ADAMTS2: variants seen among roughly 807,000 people sequenced by gnomAD.
ADAMTS2 encodes the protein A disintegrin and metalloproteinase with thrombospondin motifs 2.
ADAMTS2 carries 50 observed loss-of-function variants against 123.0 expected under a neutral mutation model. The ratio of observed to expected loss-of-function variants is 0.41; its 90% CI spans 0.32 to 0.51. The LOEUF (loss-of-function observed/expected upper bound fraction) is 0.51. Among genes scored for constraint, ADAMTS2 ranks in the 20% least tolerant of loss-of-function variants. The pLI is 0.35. For missense variants in ADAMTS2, 1,494 were observed against 1,705.2 expected, an observed-to-expected ratio of 0.88 and a Z score of 2.18; for synonymous variants, 678 against 695.4, an observed-to-expected ratio of 0.98 and a Z score of 0.39.
At chr5:179,153,450 C>G (rs1284252850) in intron 9 of ADAMTS2, 41 bp downstream of exon 9, 4 of 1,601,892 alleles carry the variant, frequency 2.5e-6, no homozygotes, top group Non-Finnish European at 3.4e-6. Context: ...ACGCCTCCCC[C>G]CAGACCTGGG....
chr5:179,138,001 G>A (rs1372056255), intron 11 of ADAMTS2, 57 bp from the exon 12 acceptor site: 9 of 1,528,942 alleles, frequency 5.9e-6, no homozygotes, highest in South Asian at 4.8e-5. Flanking sequence ...GGCAGCACCC[G>A]GGTGCCCTTG....
intron 3 of ADAMTS2, among the ~76,000 whole-genome samples, chr5:179,224,145 T>C (rs996081627): frequency 6.6e-6 from 1 of 152,130 alleles, no homozygotes; most frequent in Non-Finnish European, 1.5e-5. Context: ...TGGCCGTCAT[T>C]TACAGGGAGA....
At chr5:179,167,121 C>T (rs758083257) in intron 5 of ADAMTS2, among the ~76,000 whole-genome samples, 4 of 152,282 alleles carry the variant, frequency 2.6e-5, no homozygotes, top group Middle Eastern at 3.4e-3. Context: ...AGGCTTGGCA[C>T]ACGACACCTC....
chr5:179,141,230 C>CTA (rs1280789742), intron 10 of ADAMTS2, among the ~76,000 whole-genome samples: 3 of 152,170 alleles, frequency 2.0e-5, no homozygotes, highest in African/African-American at 7.2e-5. Context: ...GCAAACCATT[C>CTA]CTCAGCAAAT....
At chr5:179,176,053 C>T (rs114451705) in intron 5 of ADAMTS2, among the ~76,000 whole-genome samples, 3 of 152,318 alleles carry the variant, frequency 2.0e-5, no homozygotes, top group South Asian at 2.1e-4. Context: ...ATTTTCCAGA[C>T]TTCTTTGACC....
chr5:179,207,671 C>A lies in ADAMTS2; in HGVS notation c.733G>T (p.Val245Phe). The stretch of plus-strand genomic sequence containing the variant: ...GAGCTGTTGGCGTGCTCCTCTAGGA[C>A]GCCCAGGGCGCGGCTGAGGCTGTCC... ...SLDSLSRALG[V>F]LEEHANSSRR... is the part of the protein sequence containing the mutation. The change falls in exon 4 of 22, where the codon GTC becomes TTC. Residue 245 changes from valine to phenylalanine, a missense_variant. This residue lies in a region of ADAMTS2 where 184 missense variants were observed against 152.1 expected (regional missense o/e 1.21). Transcript: ENST00000251582. 6.2e-7 allele frequency: 1 copy of A among 1,613,160 alleles called. No individual in the cohort carries two copies. Among genetic ancestry groups the A allele is most frequent in the African/African-American group, 1.3e-5 (1 of 74,950 alleles).
At chr5:179,289,948 C>T (rs550931012) in intron 2 of ADAMTS2, among the ~76,000 whole-genome samples, 5 of 152,288 alleles carry the variant, frequency 3.3e-5, no homozygotes, top group Admixed American at 2.6e-4. Flanking sequence ...TGGGAGGAAA[C>T]GGGAGAGACA....
intron 5 of ADAMTS2, among the ~76,000 whole-genome samples, chr5:179,161,982 G>C (rs1477727353): frequency 6.6e-6 from 1 of 152,138 alleles, no homozygotes. Flanking sequence ...CCCTGCTGCA[G>C]TGTGAGTGTC....
At position 179,225,485 on chromosome 5, in the gene ADAMTS2, G is replaced by A. The variant is rs188913281; in HGVS notation, c.689-17770C>T. 4.6e-5 allele frequency among the ~76,000 whole-genome samples: 7 copies of A among 152,210 alleles called. No homozygotes were observed. Among genetic ancestry groups the A allele is most frequent in the Non-Finnish European group, 7.4e-5 (5 of 68,022 alleles). ...TGTCACATTTCCCAAGACCACCCTGGTCCACCATGTCCCCATCCTGTGCCT... is the reference window on the plus strand; with the variant it reads ...TGTCACATTTCCCAAGACCACCCTGATCCACCATGTCCCCATCCTGTGCCT... On this transcript the variant is annotated intron_variant, in intron 3 of 21. Coordinates refer to ENST00000251582, the MANE Select transcript of ADAMTS2 (RefSeq NM_014244.5). The surrounding 1 kb of genome is among the most constrained non-coding windows in gnomAD (Gnocchi z 4.5).
At chr5:179,334,071 TC>T (rs1757547359) in intron 2 of ADAMTS2, among the ~76,000 whole-genome samples, 2 of 152,022 alleles carry the variant, frequency 1.3e-5, no homozygotes, top group Non-Finnish European at 2.9e-5. Flanking sequence ...GAGGGATTGC[TC>T]CAGAGAAACT....
At chr5:179,154,434 G>C (rs537464808) in intron 7 of ADAMTS2, among the ~76,000 whole-genome samples, 56 of 152,248 alleles carry the variant, frequency 3.7e-4, no homozygotes, top group East Asian at 7.7e-4. Context: ...ATGCACACCT[G>C]GGGGGGACCG....
At chr5:179,149,113 G>C (rs1320833615) in intron 10 of ADAMTS2, among the ~76,000 whole-genome samples, 1 of 152,180 alleles carries the variant, frequency 6.6e-6, no homozygotes, top group African/African-American at 2.4e-5. Flanking sequence ...AGGTAAGGCA[G>C]TGCTGTGGCC....
rs1380152826 is a variant in ADAMTS2, at chr5:179,118,810, G to A, written c.3178+2851C>T. Among the ~76,000 whole-genome samples the A allele has an allele frequency of 6.6e-6, 1 of 152,210 alleles. No individual in the cohort carries two copies. Among genetic ancestry groups the A allele is most frequent in the Non-Finnish European group, 1.5e-5 (1 of 68,042 alleles). On this transcript the variant is annotated intron_variant, in intron 21 of 21. Coordinates refer to ENST00000251582, the MANE Select transcript of ADAMTS2 (RefSeq NM_014244.5). This position sits in a 1 kb window ranked among gnomAD's most constrained non-coding sequence, Gnocchi z 4.5. ...GCAAATGTGAGACAGGCTAAAGCTG[G>A]TAGCAAGTGAGGCTTTCTTCCTGAG...
intron 2 of ADAMTS2, among the ~76,000 whole-genome samples, chr5:179,330,106 C>G (rs980057317): frequency 9.8e-5 from 14 of 142,340 alleles, no homozygotes; most frequent in Admixed American, 3.7e-4. Flanking sequence ...GCAGTCCGGC[C>G]TGGGCGACAG....
At chr5:179,281,094 G>T (rs560284280) in intron 2 of ADAMTS2, among the ~76,000 whole-genome samples, 1 of 152,310 alleles carries the variant, frequency 6.6e-6, no homozygotes, top group East Asian at 1.9e-4. Flanking sequence ...CTGACCTCAG[G>T]TGATCCACCT....
At chr5:179,177,475 G>A (rs958106334) in intron 5 of ADAMTS2, among the ~76,000 whole-genome samples, 9 of 152,184 alleles carry the variant, frequency 5.9e-5, no homozygotes, top group Non-Finnish European at 2.9e-5. Flanking sequence ...TATTGTATTA[G>A]TCTTGCCTGA....
rs770212030 is a variant in ADAMTS2, at chr5:179,345,227, G to GGGC, written c.99_101dup (p.Pro34dup). ...CGGCGGCGGCGAGCCTGGCGTTCGC[G>GGGC]GGCGGCGGCGGCGGCGGCAGGAGCG... On this transcript the variant is annotated inframe_insertion, in exon 1 of 22. Transcript: ENST00000251582. This position sits in a 1 kb window ranked among gnomAD's most constrained non-coding sequence, Gnocchi z 7.5. The GGGC allele has an allele frequency of 5.2e-4, 577 of 1,119,552 alleles. No individual in the cohort carries two copies. Among genetic ancestry groups the GGGC allele is most frequent in the Non-Finnish European group, 5.6e-4 (518 of 918,740 alleles). The allele number at this position is 1,119,552 out of a possible 1,614,324, so 69.4% of individuals were successfully genotyped here.
chr5:179,162,040 G>A lies in ADAMTS2; in HGVS notation c.976-3161C>T, dbSNP rs1027305246. On this transcript the variant is annotated intron_variant, in intron 5 of 21. Coordinates refer to ENST00000251582, the MANE Select transcript of ADAMTS2 (RefSeq NM_014244.5). This position sits in a 1 kb window ranked among gnomAD's most constrained non-coding sequence, Gnocchi z 5.1. ...GCTCGGTAGCCTTGCTGGGCTCCAG[G>A]GAAAGGGGCCTTGCTTCCTCCAGGG... 2.6e-5 allele frequency among the ~76,000 whole-genome samples: 4 copies of A among 152,150 alleles called. No individual in the cohort carries two copies. In the East Asian group the frequency reaches 7.8e-4, roughly 30 times the overall value.
intron 2 of ADAMTS2, among the ~76,000 whole-genome samples, chr5:179,291,071 G>A (rs974444913): frequency 5.3e-5 from 8 of 152,210 alleles, no homozygotes; most frequent in Admixed American, 2.0e-4. Context: ...CTTGATGAGC[G>A]AGCCACCCTC....
Sources: gnomAD v4.1 joint callset for allele counts (sites outside exome capture counted in the v4.1 genomes callset) on GRCh38, gnomAD v4.1.1 for gene constraint, gnomAD v4.1.1 regional missense constraint, Gnocchi (gnomAD v3.1) non-coding constraint, MANE v1.5 for transcripts, NCBI Gene and HGNC (gene_info 2026-07-23, HGNC 2026-07-21) for gene names.